The following DIDO1 variants were observed in gnomAD, a reference collection of about 807,000 sequenced individuals.
DIDO1 encodes the protein death inducer-obliterator 1, also known as death-inducer obliterator 1.
DIDO1 carries 16 observed loss-of-function variants against 99.4 expected under a neutral mutation model. That is an observed-to-expected ratio of 0.16 (90% CI 0.11 to 0.24). The LOEUF is 0.24. DIDO1 is among the 10% of genes least tolerant of loss of function. DIDO1 has a pLI of 1.00. For synonymous variants in DIDO1, 1,366 were observed against 1,239.1 expected (o/e 1.10, Z -2.15); for missense variants, 2,996 against 3,014.0 (o/e 0.99, Z 0.14).
At chr20:62,917,059 G>GT (rs916779209) in intron 1 of DIDO1, among the ~76,000 whole-genome samples, 7 of 152,104 alleles carry the variant, frequency 4.6e-5, no homozygotes, top group African/African-American at 1.7e-4. Flanking sequence ...CCAGGATGGA[G>GT]TGCAGTGGTG....
chr20:62,936,856 C>T (rs776952400), intron 1 of DIDO1, among the ~76,000 whole-genome samples: 3 of 152,240 alleles, frequency 2.0e-5, no homozygotes, highest in Admixed American at 6.5e-5. Flanking sequence ...AGTGAGACTT[C>T]GTCTCAAAAT....
In DIDO1 at chr20:62,896,876, T is replaced by G. The variant is rs1159511728; in HGVS notation, c.1709A>C (p.Lys570Thr). 1 of 1,614,160 alleles carries G rather than the reference T, an allele frequency of 6.2e-7. No homozygotes were observed. The highest frequency in any genetic ancestry group is 1.1e-5 in the South Asian group (1 of 91,084). Residue 570 changes from lysine to threonine, a missense_variant, in exon 7 of 16, where the codon AAG becomes ACG. Around this residue, in one of 5 missense-constraint regions of DIDO1, gnomAD observed 898 missense variants for 972.7 expected, o/e 0.92. Transcript: ENST00000395343. The surrounding 1 kb of genome is among the most constrained non-coding windows in gnomAD (Gnocchi z 4.4). The stretch of plus-strand genomic sequence containing the variant: ...TGCTGCCACATTAGCAAAAGAAGAC[T>G]TCTTTGGCACGAGGTTTCTAGGTGC... ...QPAPRNLVPK[K>T]SSFANVAAAT...
In DIDO1 at chr20:62,905,965, A is replaced by G; in HGVS notation, c.1510T>C (p.Ser504Pro). 2 of 1,614,078 alleles carry G rather than the reference A, an allele frequency of 1.2e-6. No individual in the cohort carries two copies. The highest frequency in any genetic ancestry group is 1.7e-6 in the Non-Finnish European group (2 of 1,180,022). ...KEAACESSTPSWASDHNYNAV... is the reference protein window; with the variant it reads ...KEAACESSTPPWASDHNYNAV... ...TTGTAATTGTGATCGCTCGCCCACG[A>G]CGGCGTGCTGCTCTCACAAGCTGCT... is the stretch of plus-strand genomic sequence containing the variant. The change falls in exon 6 of 16, where the codon TCG (serine) becomes CCG (proline). Residue 504 changes from serine (S) to proline (P), a missense_variant. By Grantham distance (74) the Ser-to-Pro change is moderately conservative (BLOSUM62 -1). This residue lies in a region of DIDO1 where 898 missense variants were observed against 972.7 expected (regional missense o/e 0.92). Coordinates refer to ENST00000395343, the MANE Select transcript of DIDO1 (RefSeq NM_001193369.2).
Position 62,878,392 on chromosome 20 carries a change from G to A in DIDO1, c.*841C>T, listed in dbSNP as rs2064141409. 1 of 152,172 alleles carries A rather than the reference G, an allele frequency of 6.6e-6. No homozygotes were observed. Among genetic ancestry groups the A allele is most frequent in the African/African-American group, 2.4e-5 (1 of 41,430 alleles). 9.4% of individuals were successfully genotyped at this position (152,172 alleles called of 1,614,324 possible). ...GGACAAACTTTTACATGTATCGTCT[G>A]ACAAATACCAGTTTGGGGCCGAGCG... On this transcript the variant is annotated 3_prime_UTR_variant, in exon 16 of 16. Transcript: ENST00000395343.
chr20:62,882,051 G>A lies in DIDO1; in HGVS notation c.3905C>T (p.Ser1302Phe). The A allele has an allele frequency of 6.2e-7, 1 of 1,613,614 alleles. No homozygotes were observed. Among genetic ancestry groups the A allele is most frequent in the Non-Finnish European group, 8.5e-7 (1 of 1,180,040 alleles). The change falls in exon 16 of 16, where the codon TCC becomes TTC. Residue 1302 changes from serine to phenylalanine, a missense_variant. Around this residue, in one of 5 missense-constraint regions of DIDO1, gnomAD observed 1,562 missense variants for 1,412.6 expected, o/e 1.11. Transcript: ENST00000395343. Reference protein sequence around the residue: ...TAAAASTAASSTASSASKTAS... With the variant: ...TAAAASTAASFTASSASKTAS... ...TGTTTTGGAAGCAGACGAAGCGGTG[G>A]AGGAAGCTGCCGTGGAGGCTGCCGC... is the stretch of plus-strand genomic sequence containing the variant.
At position 62,911,496 on chromosome 20, in the gene DIDO1, G is replaced by A. The variant is rs142272291; in HGVS notation, c.117C>T (p.Gly39=). The part of the protein sequence containing the change: ...FRRTTIAKRE[G]AGDAEADPLE... Reference sequence around the variant, plus strand: ...GTGGGTCAGCCTCCGCGTCCCCTGCGCCCTCTCGCTTGGCGATAGTGGTCC... The same window carrying A: ...GTGGGTCAGCCTCCGCGTCCCCTGCACCCTCTCGCTTGGCGATAGTGGTCC... Residue 39 remains glycine, a synonymous_variant, in exon 3 of 16, where the codon GGC becomes GGT. Coordinates refer to ENST00000395343, the MANE Select transcript of DIDO1 (RefSeq NM_001193369.2). The surrounding 1 kb of genome is among the most constrained non-coding windows in gnomAD (Gnocchi z 7.0). 30 of 1,612,664 alleles carry A rather than the reference G, an allele frequency of 1.9e-5. No homozygotes were observed. Among genetic ancestry groups the A allele is most frequent in the South Asian group, 6.6e-5 (6 of 90,810 alleles).
chr20:62,879,116 ATGTT>A lies in DIDO1; in HGVS notation c.*113_*116del. ...AAACCATTTACACAAAATTACAGTAATGTTTAAGTCCAGAATATTCTATCCTGAA... is the reference window on the plus strand; with the variant it reads ...AAACCATTTACACAAAATTACAGTAATAAGTCCAGAATATTCTATCCTGAA... On this transcript the variant is annotated 3_prime_UTR_variant, in exon 16 of 16. Coordinates refer to ENST00000395343, the MANE Select transcript of DIDO1 (RefSeq NM_001193369.2). The surrounding 1 kb of genome is among the most constrained non-coding windows in gnomAD (Gnocchi z 6.3). 1 of 904,948 alleles carries A rather than the reference ATGTT, an allele frequency of 1.1e-6. No individual in the cohort carries two copies. Among genetic ancestry groups the A allele is most frequent in the Non-Finnish European group, 1.5e-6 (1 of 655,134 alleles). The allele number at this position is 904,948 out of a possible 1,614,324, so 56.1% of individuals were successfully genotyped here. A position where few individuals can be genotyped will look rare whatever the true frequency, so the allele number is the denominator to read the frequency against.
At position 62,909,764 on chromosome 20, in the gene DIDO1, T is replaced by A; in HGVS notation, c.1096A>T (p.Ile366Leu). The change falls in exon 4 of 16, where the codon ATA becomes TTA. Residue 366 changes from isoleucine to leucine, a missense_variant. Around this residue, in one of 5 missense-constraint regions of DIDO1, gnomAD observed 898 missense variants for 972.7 expected, o/e 0.92. Transcript: ENST00000395343. ...IEQKSSEDQG[I>L]KGRIEKAANP... ...GCAGCTTTCTCAATTCTACCCTTTATCCCTTGGTCTTCGCTAGACTTCTGC... is the reference window on the plus strand; with the variant it reads ...GCAGCTTTCTCAATTCTACCCTTTAACCCTTGGTCTTCGCTAGACTTCTGC... 6.2e-7 allele frequency: 1 copy of A among 1,614,264 alleles called. No homozygotes were observed. Among genetic ancestry groups the A allele is most frequent in the Non-Finnish European group, 8.5e-7 (1 of 1,180,046 alleles).
chr20:62,886,029 G>A (rs1408909920), intron 15 of DIDO1, among the ~76,000 whole-genome samples: 1 of 152,246 alleles, frequency 6.6e-6, no homozygotes, highest in African/African-American at 2.4e-5. Context: ...GGGAGGGAGA[G>A]TGCCCCGGGA....
chr20:62,905,139 A>C, intron 6 of DIDO1: 1 of 1,018,924 alleles, frequency 9.8e-7, no homozygotes, highest in Non-Finnish European at 1.2e-6. Flanking sequence ...GCAGGATATG[A>C]TCTTAAGAGT....
In DIDO1 at chr20:62,879,799, T is replaced by A. The variant is rs148889648; in HGVS notation, c.6157A>T (p.Ser2053Cys). 5.6e-6 allele frequency: 9 copies of A among 1,611,092 alleles called. No individual in the cohort carries two copies. Among genetic ancestry groups the A allele is most frequent in the Non-Finnish European group, 5.9e-6 (7 of 1,179,678 alleles). Residue 2053 changes from serine (S) to cysteine (C), a missense_variant, in exon 16 of 16, where the codon AGT becomes TGT. Coordinates refer to ENST00000395343, the MANE Select transcript of DIDO1 (RefSeq NM_001193369.2). This position sits in a 1 kb window ranked among gnomAD's most constrained non-coding sequence, Gnocchi z 6.3. ...EAGPPSALSS[S>C]APGQGPEADG... ...GCCTCGGGGCCCTGTCCGGGCGCAC[T>A]GGAGGAGAGCGCGGAGGGCGGCCCG...
intron 6 of DIDO1, chr20:62,905,503 C>A (rs2064781254): frequency 6.4e-7 from 1 of 1,550,840 alleles, no homozygotes; most frequent in South Asian, 1.2e-5. Context: ...GCGCTGTTGT[C>A]AGAACAACTC....
rs761350941 is a variant in DIDO1, at chr20:62,909,817, G to C, written c.1043C>G (p.Thr348Ser). Residue 348 changes from threonine (T) to serine (S), a missense_variant, in exon 4 of 16, where the codon ACC (threonine) becomes AGC (serine). Thr to Ser is a moderately conservative substitution (Grantham distance 58). Transcript: ENST00000395343. ...AKWRPGDADG[T>S]DCTSIGTIEQ... ...TATTGTTCCTATACTTGTACAATCG[G>C]TGCCATCAGCATCTCCAGGTCTCCA... 1 of 1,614,164 alleles carries C rather than the reference G, an allele frequency of 6.2e-7. No individual in the cohort carries two copies. Among genetic ancestry groups the C allele is most frequent in the South Asian group, 1.1e-5 (1 of 91,078 alleles).
At position 62,879,528 on chromosome 20, in the gene DIDO1, G is replaced by A; in HGVS notation, c.6428C>T (p.Ser2143Phe). Residue 2143 changes from serine to phenylalanine, a missense_variant, in exon 16 of 16, where the codon TCC becomes TTC. Ser to Phe is a radical substitution (Grantham distance 155). Transcript: ENST00000395343. This position sits in a 1 kb window ranked among gnomAD's most constrained non-coding sequence, Gnocchi z 6.3. Reference protein sequence around the residue: ...REWDRHRDKDSSRDWDRNRER... With the variant: ...REWDRHRDKDFSRDWDRNRER... ...CCGGTTTCTGTCCCAGTCCCGGCTG[G>A]AGTCCTTGTCCCGGTGTCGGTCCCA... 6.3e-7 allele frequency: 1 copy of A among 1,599,574 alleles called. No homozygotes were observed. Among genetic ancestry groups the A allele is most frequent in the Non-Finnish European group, 8.5e-7 (1 of 1,179,108 alleles).
chr20:62,893,840 C>T lies in DIDO1; in HGVS notation c.2927G>A (p.Cys976Tyr), dbSNP rs774828397. 5 of 1,613,938 alleles carry T rather than the reference C, an allele frequency of 3.1e-6. No homozygotes were observed. The highest frequency in any genetic ancestry group is 4.2e-6 in the Non-Finnish European group (5 of 1,180,048). ...RDPRTAPSSS[C>Y]TAVASAASRP... ...GGATGCTGCGGAGGCCACGGCTGTG[C>T]ATGAACTGCTTGGAGCGGTCCTGGG... Residue 976 changes from cysteine (C) to tyrosine (Y), a missense_variant, in exon 12 of 16, where the codon TGC becomes TAC. Physicochemically the swap from Cys to Tyr is radical, Grantham distance 194. Around this residue, in one of 5 missense-constraint regions of DIDO1, gnomAD observed 898 missense variants for 972.7 expected, o/e 0.92. Coordinates refer to ENST00000395343, the MANE Select transcript of DIDO1 (RefSeq NM_001193369.2).
Position 62,888,664 on chromosome 20 carries a change from A to G in DIDO1, c.3541+2296T>C, listed in dbSNP as rs564251781. On this transcript the variant is annotated intron_variant, in intron 15 of 15. Coordinates refer to ENST00000395343, the MANE Select transcript of DIDO1 (RefSeq NM_001193369.2). The stretch of plus-strand genomic sequence containing the variant: ...CCAGGACCTAGCCTTACACACACAC[A>G]CGCGCGCACATGCACACGCACTACA... 216 of 985,360 alleles carry G rather than the reference A, an allele frequency of 2.2e-4. 1 individual carries two copies. The highest frequency in any genetic ancestry group is 1.7e-3 in the Admixed American group (27 of 16,288). The allele number at this position is 985,360 out of a possible 1,614,324, so 61.0% of individuals were successfully genotyped here.
chr20:62,893,506 CA>C (rs2064442421), intron 12 of DIDO1, among the ~76,000 whole-genome samples, 159 bp downstream of exon 12: 1 of 152,126 alleles, frequency 6.6e-6, no homozygotes, highest in Admixed American at 6.5e-5. Context: ...TCCAAAAGGA[CA>C]ATAAGGCACC....
intron 6 of DIDO1, among the ~76,000 whole-genome samples, chr20:62,897,322 TATC>T (rs1372483962): frequency 6.6e-6 from 1 of 152,246 alleles, no homozygotes; most frequent in East Asian, 1.9e-4. Context: ...GACAATTTCC[TATC>T]ATCACTTTTT....
intron 1 of DIDO1, among the ~76,000 whole-genome samples, chr20:62,916,582 AAAAC>A (rs1274042593): frequency 3.3e-5 from 5 of 152,338 alleles, no homozygotes; most frequent in African/African-American, 9.6e-5. Flanking sequence ...AGTTATTTCT[AAAAC>A]AAACAAAAAT....
Sources: gnomAD v4.1 joint callset for allele counts (sites outside exome capture counted in the v4.1 genomes callset) on GRCh38, gnomAD v4.1.1 for gene constraint, gnomAD v4.1.1 regional missense constraint, Gnocchi (gnomAD v3.1) non-coding constraint, MANE v1.5 for transcripts, NCBI Gene and HGNC (gene_info 2026-07-23, HGNC 2026-07-21) for gene names.